Variants in PIGG observed in about 807,000 individuals in gnomAD.
PIGG encodes the protein GPI ethanolamine phosphate transferase 2, catalytic subunit.
Under a neutral mutation model 83.2 loss-of-function variants are expected in PIGG, and 70 were observed. The ratio of observed to expected loss-of-function variants is 0.84; its 90% CI spans 0.69 to 1.03. PIGG has a LOEUF of 1.03. PIGG is among the 50% of genes least tolerant of loss of function. The probability of loss-of-function intolerance (pLI) is 0.00; values close to 1 mark genes in which losing one functional copy is unlikely to be tolerated. For synonymous variants in PIGG, 532 were observed against 519.5 expected (o/e 1.02, Z -0.33); for missense variants, 1,257 against 1,233.6 (o/e 1.02, Z -0.28).
At chr4:538,689 C>G (rs1387328439) in intron 12 of PIGG, among the ~76,000 whole-genome samples, 2 of 152,196 alleles carry the variant, frequency 1.3e-5, no homozygotes, top group African/African-American at 4.8e-5. Context: ...GACCTCTGCC[C>G]ACCCCAGACC....
chr4:527,548 C>T (rs1003280934), intron 10 of PIGG: 2 of 1,069,018 alleles, frequency 1.9e-6, no homozygotes, highest in Non-Finnish European at 2.3e-6. Context: ...GACAGATGAG[C>T]GTGAATCGGT....
intron 12 of PIGG, among the ~76,000 whole-genome samples, chr4:534,381 G>A (rs923462032): frequency 7.2e-5 from 11 of 152,240 alleles, no homozygotes; most frequent in African/African-American, 2.4e-4. Flanking sequence ...ATAAAAGACG[G>A]CTCTCGGCCC....
Position 499,343 on chromosome 4 carries a change from TG to T in PIGG, c.11del (p.Gly4AlafsTer10). The T allele has an allele frequency of 6.2e-7, 1 of 1,608,264 alleles. No individual in the cohort carries two copies. On this transcript the variant is annotated frameshift_variant, in exon 1 of 13. Transcript: ENST00000453061. LOFTEE classifies it high-confidence loss of function. Reference sequence around the variant, plus strand: ...CAGCCTAGCGTGTCCACGATGCGGCTGGGCTCCGGGACTTTCGCTACCTGTT... The same window carrying T: ...CAGCCTAGCGTGTCCACGATGCGGCTGGCTCCGGGACTTTCGCTACCTGTT... MR[L>X]GSGTFATCCV... is the part of the protein sequence containing the mutation.
chr4:499,811 A>T lies in PIGG; in HGVS notation c.154+322A>T, dbSNP rs531131123. On this transcript the variant is annotated intron_variant, in intron 1 of 12. Transcript: ENST00000453061. Reference sequence around the variant, plus strand: ...CCCTTTCCTGAGCAGCCTTTGGGTCACTCCCCGTTATAGGCGCCCTTTTTG... The same window carrying T: ...CCCTTTCCTGAGCAGCCTTTGGGTCTCTCCCCGTTATAGGCGCCCTTTTTG... 21 of 1,042,350 alleles carry T rather than the reference A, an allele frequency of 2.0e-5. No individual in the cohort carries two copies. The South Asian group carries it at 5.9e-4, about 29-fold the overall frequency. The allele number at this position is 1,042,350 out of a possible 1,614,324, so 64.6% of individuals were successfully genotyped here. A position where few individuals can be genotyped will look rare whatever the true frequency, so the allele number is the denominator to read the frequency against.
chr4:506,793 T>C (rs1553879639), intron 3 of PIGG: 2 of 456,254 alleles, frequency 4.4e-6, no homozygotes, highest in South Asian at 3.1e-5. Context: ...CTGTGTCTTT[T>C]TCAGAACAGC....
chr4:523,626 C>T lies in PIGG; in HGVS notation c.1782C>T (p.Tyr594=). ...TLCLALSQET[Y]RNYFLGDDGE... The stretch of plus-strand genomic sequence containing the variant: ...GTCTAGCTCTGAGCCAAGAAACCTA[C>T]AGAAACTACTTTCTGGGAGATGACG... Residue 594 remains tyrosine (Y), a synonymous_variant, in exon 9 of 13, where the codon TAC becomes TAT. Coordinates refer to ENST00000453061, the MANE Select transcript of PIGG (RefSeq NM_001127178.3). 6.2e-7 allele frequency: 1 copy of T among 1,614,218 alleles called. No homozygotes were observed. The highest frequency in any genetic ancestry group is 2.2e-5 in the East Asian group (1 of 44,878).
intron 11 of PIGG, 104 bp downstream of exon 11, chr4:530,849 G>A (rs1394989827): frequency 2.6e-6 from 2 of 775,606 alleles, no homozygotes; most frequent in Admixed American, 2.4e-5. Flanking sequence ...GTGACTGTCA[G>A]TGTGGCATGG....
At chr4:509,403 C>G (rs1236801137) in intron 5 of PIGG, among the ~76,000 whole-genome samples, 2 of 152,204 alleles carry the variant, frequency 1.3e-5, no homozygotes, top group Non-Finnish European at 2.9e-5. Context: ...TGTCAGTATT[C>G]AGACACGCCC....
chr4:523,481 G>A lies in PIGG; in HGVS notation c.1637G>A (p.Arg546Lys). 2 of 1,610,474 alleles carry A rather than the reference G, an allele frequency of 1.2e-6. No homozygotes were observed. Among genetic ancestry groups the A allele is most frequent in the Non-Finnish European group, 1.7e-6 (2 of 1,177,388 alleles). The change falls in exon 9 of 13, where the codon AGG becomes AAG. Residue 546 changes from arginine (R) to lysine (K), a missense_variant. By Grantham distance (26) the Arg-to-Lys change is conservative. Transcript: ENST00000453061. ...PRKNPMHPSSRWSELDLLILL... is the reference protein window; with the variant it reads ...PRKNPMHPSSKWSELDLLILL... ...CAGAACCCCATGCATCCCAGCTCAA[G>A]GTGGTCAGAGCTAGACCTTCTTATT...
chr4:512,035 C>T (rs770115317), intron 5 of PIGG, among the ~76,000 whole-genome samples: 1 of 152,132 alleles, frequency 6.6e-6, no homozygotes, highest in Non-Finnish European at 1.5e-5. Flanking sequence ...GTTTACTCAA[C>T]TTGGAGTTCA....
intron 12 of PIGG, among the ~76,000 whole-genome samples, chr4:535,369 CCA>C (rs1161858977): frequency 2.8e-5 from 3 of 107,174 alleles, no homozygotes; most frequent in African/African-American, 4.9e-5. Context: ...CTGCTGCCAG[CCA>C]CAGTCACGAA....
intron 4 of PIGG, among the ~76,000 whole-genome samples, chr4:507,897 A>G (rs1377830586): frequency 6.7e-6 from 1 of 149,648 alleles, no homozygotes; most frequent in Non-Finnish European, 1.5e-5. Context: ...GTTCTGTGCC[A>G]CTCTGTTCTG....
chr4:534,779 G>T (rs1194829394), intron 12 of PIGG, among the ~76,000 whole-genome samples: 1 of 152,096 alleles, frequency 6.6e-6, no homozygotes, highest in Admixed American at 6.5e-5. Flanking sequence ...GCTTTGTGCA[G>T]ATGTCCCCGG....
chr4:526,196 C>A (rs932334491), intron 9 of PIGG, among the ~76,000 whole-genome samples: 1 of 152,188 alleles, frequency 6.6e-6, no homozygotes, highest in East Asian at 1.9e-4. Context: ...TTATAACAAT[C>A]CTGAAGATTG....
chr4:503,023 C>T (rs552757407), intron 2 of PIGG, among the ~76,000 whole-genome samples: 1 of 152,192 alleles, frequency 6.6e-6, no homozygotes, highest in South Asian at 2.1e-4. Flanking sequence ...TAAGCATATG[C>T]AGAGATTCTT....
chr4:524,383 G>T (rs1726983000), intron 9 of PIGG, among the ~76,000 whole-genome samples: 1 of 152,206 alleles, frequency 6.6e-6, no homozygotes, highest in Non-Finnish European at 1.5e-5. Flanking sequence ...TTGGCTCTCA[G>T]CTCTGCGGGC....
At position 510,171 on chromosome 4, in the gene PIGG, G is replaced by A. The variant is rs377656215; in HGVS notation, c.901+1201G>A. On this transcript the variant is annotated intron_variant, in intron 5 of 12. Coordinates refer to ENST00000453061, the MANE Select transcript of PIGG (RefSeq NM_001127178.3). Reference sequence around the variant, plus strand: ...CACAGCCTTCAGAGCTGACAGCCCTGAAGAGAGATTTAGCCACGTATTTAT... The same window carrying A: ...CACAGCCTTCAGAGCTGACAGCCCTAAAGAGAGATTTAGCCACGTATTTAT... Among the ~76,000 whole-genome samples, 8 of 152,342 alleles carry A rather than the reference G, an allele frequency of 5.3e-5. No individual in the cohort carries two copies. In the South Asian group the frequency reaches 8.3e-4, roughly 16 times the overall value.
At chr4:533,321 C>G (rs1034151291) in intron 11 of PIGG, 2 of 162,776 alleles carry the variant, frequency 1.2e-5, no homozygotes, top group Non-Finnish European at 2.7e-5. Context: ...ATATAACCCA[C>G]TGGCAGCACC....
Position 530,918 on chromosome 4 carries a change from C to T in PIGG, c.2571+173C>T, listed in dbSNP as rs116679592. 1.5e-3 allele frequency: 869 copies of T among 593,900 alleles called. 2 individuals carry two copies. The African/African-American group carries it at 0.015, about 10-fold the overall frequency. 36.8% of individuals were successfully genotyped at this position (593,900 alleles called of 1,614,324 possible). A position where few individuals can be genotyped will look rare whatever the true frequency, so the allele number is the denominator to read the frequency against. On this transcript the variant is annotated intron_variant, in intron 11 of 12. Coordinates refer to ENST00000453061, the MANE Select transcript of PIGG (RefSeq NM_001127178.3). ...ACAAAGTACAGCCGGTTGTTTAAGA[C>T]ACGCGTCCCAGGTGTGGATGTGTGG...
Sources: gnomAD v4.1 joint callset for allele counts (sites outside exome capture counted in the v4.1 genomes callset) on GRCh38, gnomAD v4.1.1 for gene constraint, MANE v1.5 for transcripts, NCBI Gene and HGNC (gene_info 2026-07-23, HGNC 2026-07-21) for gene names.